The following GLRA1 variants were observed in gnomAD, a reference collection of about 807,000 sequenced individuals.
GLRA1 encodes the protein glycine receptor subunit alpha-1.
A neutral mutation model predicts 48.3 loss-of-function variants in GLRA1; 37 were observed. The ratio of observed to expected loss-of-function variants is 0.77; its 90% CI spans 0.59 to 1.01. GLRA1 has a LOEUF of 1.01. GLRA1 is among the 50% of genes least tolerant of loss of function. The pLI, the probability that GLRA1 is intolerant of heterozygous loss-of-function variation, is 0.00. For missense variants in GLRA1, 427 were observed against 571.0 expected, an observed-to-expected ratio of 0.75 and a Z score of 2.57; for synonymous variants, 196 against 210.7, an observed-to-expected ratio of 0.93 and a Z score of 0.60.
chr5:151,829,446 C>T (rs1361196719), intron 7 of GLRA1, among the ~76,000 whole-genome samples: 3 of 152,080 alleles, frequency 2.0e-5, no homozygotes, highest in Non-Finnish European at 4.4e-5. Context: ...GAAAATTCCT[C>T]CAAAAAATTA....
chr5:151,822,654 C>A lies in GLRA1; in HGVS notation c.*19G>T. On this transcript the variant is annotated 3_prime_UTR_variant, in exon 9 of 9. Coordinates refer to ENST00000274576, the MANE Select transcript of GLRA1 (RefSeq NM_000171.4). ...TCCCACGTTCCCCTCTCCCAGCCTCCCCCAACCTTTCAGACCCTTCACTGG... is the reference window on the plus strand; with the variant it reads ...TCCCACGTTCCCCTCTCCCAGCCTCACCCAACCTTTCAGACCCTTCACTGG... 1 of 1,583,610 alleles carries A rather than the reference C, an allele frequency of 6.3e-7. No homozygotes were observed. Among genetic ancestry groups the A allele is most frequent in the Non-Finnish European group, 8.7e-7 (1 of 1,152,378 alleles).
At chr5:151,874,847 A>G (rs187673806) in intron 3 of GLRA1, among the ~76,000 whole-genome samples, 212 of 152,224 alleles carry the variant, frequency 1.4e-3, no homozygotes, top group African/African-American at 4.6e-3. Flanking sequence ...AAGTTGTTGC[A>G]GGATTGGAAG....
rs969620048 is a variant in GLRA1 at position 151,892,452 on chromosome 5, G to C, written c.57-14C>G. The C allele has an allele frequency of 3.7e-6, 6 of 1,613,740 alleles. No homozygotes were observed. The African/African-American group carries it at 8.0e-5, about 22-fold the overall frequency. ...GAAGCAGCAAGGCTAAGGAGGAAGA[G>C]AGGAGAGCAAAAGGTTAATGATGGC... On this transcript the variant is annotated splice_polypyrimidine_tract_variant and intron_variant, in intron 1 of 8. Transcript: ENST00000274576.
intron 1 of GLRA1, among the ~76,000 whole-genome samples, chr5:151,906,385 A>C (rs1281604865): frequency 6.6e-6 from 1 of 152,218 alleles, no homozygotes; most frequent in Non-Finnish European, 1.5e-5. Context: ...GAAATACCGG[A>C]TGTGGGCTGT....
chr5:151,859,696 T>C, intron 4 of GLRA1, 89 bp downstream of exon 4: 1 of 955,584 alleles, frequency 1.0e-6, no homozygotes, highest in Non-Finnish European at 1.7e-6. Flanking sequence ...TTCACCTCTG[T>C]TTGGCCCCTC....
intron 3 of GLRA1, among the ~76,000 whole-genome samples, chr5:151,862,371 T>G (rs7722575): frequency 0.68 from 103,407 of 152,094 alleles, 36,465 homozygotes; most frequent in East Asian, 1. Flanking sequence ...ATAGGCATGG[T>G]CAAGGACTTC....
chr5:151,837,191 G>T (rs1763600408), intron 7 of GLRA1, among the ~76,000 whole-genome samples: 4 of 152,184 alleles, frequency 2.6e-5, no homozygotes, highest in African/African-American at 9.6e-5. Context: ...CATTTATGCA[G>T]TCAACAAACA....
At position 151,887,359 on chromosome 5, in the gene GLRA1, C is replaced by T. The variant is rs139560325; in HGVS notation, c.185-571G>A. 5.4e-3 allele frequency among the ~76,000 whole-genome samples: 817 copies of T among 152,342 alleles called. 6 individuals are homozygous for T. The highest frequency in any genetic ancestry group is 0.029 in the South Asian group (140 of 4,830). ...CGTAGGAAAGAAATGGAGGATTATTCACTGGTTTGCTGTCTCATTCCTAGA... is the reference window on the plus strand; with the variant it reads ...CGTAGGAAAGAAATGGAGGATTATTTACTGGTTTGCTGTCTCATTCCTAGA... On this transcript the variant is annotated intron_variant, in intron 2 of 8. Coordinates refer to ENST00000274576, the MANE Select transcript of GLRA1 (RefSeq NM_000171.4).
At chr5:151,832,966 C>T (rs138439554) in intron 7 of GLRA1, among the ~76,000 whole-genome samples, 1 of 152,198 alleles carries the variant, frequency 6.6e-6, no homozygotes, top group East Asian at 1.9e-4. Flanking sequence ...AGAAACCCTA[C>T]AAGCCAGAAG....
chr5:151,834,491 T>C (rs1351172948), intron 7 of GLRA1, among the ~76,000 whole-genome samples: 3 of 151,938 alleles, frequency 2.0e-5, no homozygotes, highest in Admixed American at 6.6e-5. Flanking sequence ...TAGAGGAAAA[T>C]TTATAGCACT....
intron 1 of GLRA1, among the ~76,000 whole-genome samples, chr5:151,911,798 C>T (rs1754618393): frequency 6.6e-6 from 1 of 151,882 alleles, no homozygotes. Context: ...TTAGTAGAGA[C>T]GAGGTTTCAC....
intron 3 of GLRA1, 64 bp from the exon 4 acceptor site, chr5:151,860,072 C>T: frequency 7.7e-7 from 1 of 1,298,856 alleles, no homozygotes; most frequent in Non-Finnish European, 1.1e-6. Context: ...TTTTGGAGGA[C>T]CTGGGTGCTT....
intron 3 of GLRA1, among the ~76,000 whole-genome samples, chr5:151,866,283 C>G (rs550104268): frequency 6.6e-6 from 1 of 152,204 alleles, no homozygotes; most frequent in African/African-American, 2.4e-5. Flanking sequence ...AGCATTAACT[C>G]ATTCATTTGT....
At chr5:151,911,295 A>G (rs941972865) in intron 1 of GLRA1, among the ~76,000 whole-genome samples, 4 of 152,200 alleles carry the variant, frequency 2.6e-5, no homozygotes, top group African/African-American at 9.6e-5. Flanking sequence ...TCCCACCTCC[A>G]GACAGAGTTA....
chr5:151,857,578 C>A (rs554165955), intron 4 of GLRA1, among the ~76,000 whole-genome samples: 1 of 152,196 alleles, frequency 6.6e-6, no homozygotes, highest in Non-Finnish European at 1.5e-5. Flanking sequence ...TTCAAAGAGG[C>A]CCTCTGCCTT....
At chr5:151,916,307 A>G (rs983247590) in intron 1 of GLRA1, among the ~76,000 whole-genome samples, 1 of 152,206 alleles carries the variant, frequency 6.6e-6, no homozygotes, top group African/African-American at 2.4e-5. Context: ...AAAACATGCT[A>G]TAACCTGTGA....
At chr5:151,923,696 A>T (rs1043291449) in intron 1 of GLRA1, among the ~76,000 whole-genome samples, 3 of 152,212 alleles carry the variant, frequency 2.0e-5, no homozygotes, top group African/African-American at 7.2e-5. Context: ...GAGACAGTGG[A>T]TGGGATAACT....
chr5:151,861,975 C>T (rs1042340177), intron 3 of GLRA1, among the ~76,000 whole-genome samples: 1 of 152,190 alleles, frequency 6.6e-6, no homozygotes, highest in African/African-American at 2.4e-5. Flanking sequence ...ATTGCCAAGT[C>T]AATCCTAAGC....
intron 1 of GLRA1, among the ~76,000 whole-genome samples, chr5:151,921,636 G>A (rs764838629): frequency 1.3e-5 from 2 of 152,180 alleles, no homozygotes; most frequent in Non-Finnish European, 2.9e-5. Flanking sequence ...CTCTGTAAGG[G>A]CTCTGGGGAT....
Sources: allele counts gnomAD v4.1 joint callset (sites outside exome capture counted in the v4.1 genomes callset), GRCh38; gene constraint gnomAD v4.1.1; transcripts MANE v1.5; gene names NCBI Gene and HGNC (gene_info 2026-07-23, HGNC 2026-07-21).